The following KDSR variants were observed in gnomAD, a reference collection of about 807,000 sequenced individuals.
The protein encoded by KDSR is 3-dehydrosphinganine reductase.
A neutral mutation model predicts 41.3 loss-of-function variants in KDSR; 23 were observed. The ratio of observed to expected loss-of-function variants is 0.56; its 90% CI spans 0.40 to 0.79. The LOEUF (loss-of-function observed/expected upper bound fraction) is 0.79, where lower values mean the gene tolerates loss of function less well. Among genes scored for constraint, KDSR ranks in the 30% least tolerant of loss-of-function variants. KDSR has a pLI of 0.00. For missense variants in KDSR, 351 were observed against 416.8 expected, an observed-to-expected ratio of 0.84 and a Z score of 1.37; for synonymous variants, 138 against 151.7, an observed-to-expected ratio of 0.91 and a Z score of 0.66.
chr18:63,343,561 A>G lies in KDSR; in HGVS notation c.693+849T>C, dbSNP rs113396402. Among the ~76,000 whole-genome samples, 437 of 148,320 alleles carry G rather than the reference A, an allele frequency of 2.9e-3. 2 individuals are homozygous for G. Among genetic ancestry groups the G allele is most frequent in the African/African-American group, 0.01 (405 of 40,228 alleles). ...GTGCCACCATGCCTGGCTAATTTTT[A>G]AATTTTTTGTAGAGACAGGGTTTTG... On this transcript the variant is annotated intron_variant, in intron 7 of 9. Coordinates refer to ENST00000645214, the MANE Select transcript of KDSR (RefSeq NM_002035.4).
Position 63,331,612 on chromosome 18 carries a change from G to T in KDSR, c.*170C>A. 1.7e-6 allele frequency: 1 copy of T among 578,894 alleles called. No homozygotes were observed. Among genetic ancestry groups the T allele is most frequent in the Non-Finnish European group, 3.0e-6 (1 of 329,390 alleles). 35.9% of individuals were successfully genotyped at this position (578,894 alleles called of 1,614,324 possible). ...TTGCATAGTATTAATAATACTGTCAGGAGGTGAACTTCTAGCCCCTTGCTT... is the reference window on the plus strand; with the variant it reads ...TTGCATAGTATTAATAATACTGTCATGAGGTGAACTTCTAGCCCCTTGCTT... On this transcript the variant is annotated 3_prime_UTR_variant, in exon 10 of 10. Coordinates refer to ENST00000645214, the MANE Select transcript of KDSR (RefSeq NM_002035.4).
intron 6 of KDSR, among the ~76,000 whole-genome samples, chr18:63,349,011 C>CA (rs1914591498): frequency 1.3e-5 from 2 of 152,194 alleles, no homozygotes; most frequent in Admixed American, 1.3e-4. Context: ...TTGAGCAACA[C>CA]ACTGAATTTA....
chr18:63,329,905 G>A lies in KDSR; in HGVS notation c.*1877C>T, dbSNP rs759391619. On this transcript the variant is annotated 3_prime_UTR_variant, in exon 10 of 10. Transcript: ENST00000645214. ...AAGCTATGATTCCATTTTAGCAGCTGCACAACGCAACTCGATATAATCTGC... is the reference window on the plus strand; with the variant it reads ...AAGCTATGATTCCATTTTAGCAGCTACACAACGCAACTCGATATAATCTGC... 1.9e-4 allele frequency: 37 copies of A among 192,174 alleles called. No homozygotes were observed. The highest frequency in any genetic ancestry group is 2.9e-4 in the Non-Finnish European group (27 of 91,920). 11.9% of individuals were successfully genotyped at this position (192,174 alleles called of 1,614,324 possible).
intron 5 of KDSR, among the ~76,000 whole-genome samples, chr18:63,354,816 T>TCTA (rs1361310280): frequency 6.6e-6 from 1 of 152,248 alleles, no homozygotes; most frequent in Non-Finnish European, 1.5e-5. Context: ...AGAACTCTAG[T>TCTA]GAGTCTGTCC....
At chr18:63,358,672 G>A (rs12604427) in intron 3 of KDSR, among the ~76,000 whole-genome samples, 19,574 of 151,374 alleles carry the variant, frequency 0.13, 1,731 homozygotes, top group East Asian at 0.5. Flanking sequence ...AAAATTAGCC[G>A]GGTGTGGTGG....
At chr18:63,332,797 A>T (rs1914045459) in intron 9 of KDSR, among the ~76,000 whole-genome samples, 1 of 146,044 alleles carries the variant, frequency 6.8e-6, no homozygotes, top group Admixed American at 7.2e-5. Context: ...GTGCCACTGC[A>T]CTTCAGCCTG....
At chr18:63,356,398 CAA>C (rs1284796676) in intron 3 of KDSR, among the ~76,000 whole-genome samples, 9 of 105,578 alleles carry the variant, frequency 8.5e-5, no homozygotes, top group Admixed American at 2.0e-4. Context: ...GACTCCGTCT[CAA>C]AAAAAAAAAA....
intron 1 of KDSR, among the ~76,000 whole-genome samples, chr18:63,363,967 T>C (rs580824): frequency 0.022 from 3,387 of 152,280 alleles, 124 homozygotes; most frequent in African/African-American, 0.077. Context: ...ATGGGACTCA[T>C]AGGCATCCCT....
At position 63,331,737 on chromosome 18, in the gene KDSR, T is replaced by C. The variant is rs1330628783; in HGVS notation, c.*45A>G. 1.9e-6 allele frequency: 3 copies of C among 1,597,504 alleles called. No individual in the cohort carries two copies. The South Asian group carries it at 3.4e-5, about 18-fold the overall frequency. ...AATTGGGTCCCATTTAGCAGCAAGCTGTTCAAATTATTTGGAAACAGTCTT... is the reference window on the plus strand; with the variant it reads ...AATTGGGTCCCATTTAGCAGCAAGCCGTTCAAATTATTTGGAAACAGTCTT... On this transcript the variant is annotated 3_prime_UTR_variant, in exon 10 of 10. Transcript: ENST00000645214.
At chr18:63,333,198 A>G (rs1451120955) in intron 9 of KDSR, among the ~76,000 whole-genome samples, 1 of 152,094 alleles carries the variant, frequency 6.6e-6, no homozygotes, top group Non-Finnish European at 1.5e-5. Flanking sequence ...CTCAAGCAGA[A>G]GTCTCCCAGT....
At position 63,331,278 on chromosome 18, in the gene KDSR, G is replaced by GAGAGAGACAGAGAGAC; in HGVS notation, c.*488_*503dup. 1 of 183,442 alleles carries GAGAGAGACAGAGAGAC rather than the reference G, an allele frequency of 5.5e-6. No homozygotes were observed. Among genetic ancestry groups the GAGAGAGACAGAGAGAC allele is most frequent in the East Asian group, 6.5e-5 (1 of 15,460 alleles). 11.4% of individuals were successfully genotyped at this position (183,442 alleles called of 1,614,324 possible). On this transcript the variant is annotated 3_prime_UTR_variant, in exon 10 of 10. Coordinates refer to ENST00000645214, the MANE Select transcript of KDSR (RefSeq NM_002035.4). ...ACACAAAGAAAGAAAGAGAGAGAGAGAGAGAGACAGAGAGACAGAGAGACA... is the reference window on the plus strand; with the variant it reads ...ACACAAAGAAAGAAAGAGAGAGAGAGAGAGAGACAGAGAGACAGAGAGACAGAGAGACAGAGAGACA...
intron 1 of KDSR, among the ~76,000 whole-genome samples, chr18:63,364,047 CAGA>C (rs376744279): frequency 2.6e-5 from 4 of 152,160 alleles, no homozygotes; most frequent in South Asian, 2.1e-4. Flanking sequence ...CAGTTATCAG[CAGA>C]AGATTACTGT....
rs1913846380 is a variant in KDSR, at chr18:63,327,745, T to C, written c.*4037A>G. ...AATAAGTTTGCAAATCTGTAAGTCT[T>C]GTTCCCCATTTATTTTTTTGTTGTG... On this transcript the variant is annotated 3_prime_UTR_variant, in exon 10 of 10. Transcript: ENST00000645214. 1 of 181,976 alleles carries C rather than the reference T, an allele frequency of 5.5e-6. No individual in the cohort carries two copies. The highest frequency in any genetic ancestry group is 6.3e-5 in the Admixed American group (1 of 15,956). 11.3% of individuals were successfully genotyped at this position (181,976 alleles called of 1,614,324 possible). A position where few individuals can be genotyped will look rare whatever the true frequency, so the allele number is the denominator to read the frequency against.
rs1299400112 is a variant in KDSR at position 63,355,430 on chromosome 18, T to C, written c.321+68A>G. 12 of 1,611,754 alleles carry C rather than the reference T, an allele frequency of 7.4e-6. 1 individual carries two copies. The highest frequency in any genetic ancestry group is 3.4e-5 in the Admixed American group (2 of 59,548). ...GAAGTTGTGTCCATTCCAAGCCACA[T>C]AGCAAAATGGCAAGAACAAATCAAA... On this transcript the variant is annotated intron_variant, in intron 4 of 9. Coordinates refer to ENST00000645214, the MANE Select transcript of KDSR (RefSeq NM_002035.4).
intron 3 of KDSR, among the ~76,000 whole-genome samples, chr18:63,357,489 A>G (rs148947631): frequency 0.022 from 3,308 of 148,344 alleles, 114 homozygotes; most frequent in African/African-American, 0.078. Context: ...AAAAAAATTT[A>G]CTCCAACTTT....
At chr18:63,341,714 G>A (rs188453688) in intron 7 of KDSR, among the ~76,000 whole-genome samples, 1 of 152,090 alleles carries the variant, frequency 6.6e-6, no homozygotes, top group Non-Finnish European at 1.5e-5. Flanking sequence ...AGGGACACAA[G>A]GTTTCCAAAA....
chr18:63,348,612 G>C (rs1202021987), intron 6 of KDSR, among the ~76,000 whole-genome samples: 1 of 152,096 alleles, frequency 6.6e-6, no homozygotes, highest in Non-Finnish European at 1.5e-5. Context: ...AAGTCATACA[G>C]ACTTGAGCGT....
intron 8 of KDSR, chr18:63,335,599 A>G (rs1033629654): frequency 1.9e-4 from 80 of 416,616 alleles, no homozygotes; most frequent in African/African-American, 1.6e-3. Flanking sequence ...ACACTAAGAC[A>G]TTCATTGTCT....
In KDSR at chr18:63,356,031, T is replaced by C. The variant is rs117995335; in HGVS notation, c.256-468A>G. On this transcript the variant is annotated intron_variant, in intron 3 of 9. Transcript: ENST00000645214. ...CTGCAGCATTCTAGTCTAGAGGGGTTGCCCTTGGTTGTAATGTATACCTAG... is the reference window on the plus strand; with the variant it reads ...CTGCAGCATTCTAGTCTAGAGGGGTCGCCCTTGGTTGTAATGTATACCTAG... Among the ~76,000 whole-genome samples, 1,002 of 152,342 alleles carry C rather than the reference T, an allele frequency of 6.6e-3. 4 individuals are homozygous for C. Among genetic ancestry groups the C allele is most frequent in the Non-Finnish European group, 8.9e-3 (607 of 68,028 alleles).
Sources: gnomAD v4.1 joint callset for allele counts (sites outside exome capture counted in the v4.1 genomes callset) on GRCh38, gnomAD v4.1.1 for gene constraint, MANE v1.5 for transcripts, NCBI Gene and HGNC (gene_info 2026-07-23, HGNC 2026-07-21) for gene names.